AKAP7: variants seen among roughly 807,000 people sequenced by gnomAD.
AKAP7 encodes the protein A-kinase anchoring protein 7, also known as A kinase (PRKA) anchor protein 7.
In AKAP7, 39 loss-of-function variants were observed where a neutral mutation model predicts 39.5. That is an observed-to-expected ratio of 0.99 (90% CI 0.76 to 1.29). AKAP7 has a LOEUF of 1.29. Among genes scored for constraint, AKAP7 ranks in the 50% most tolerant of loss-of-function variants. The pLI is 0.00. For missense variants in AKAP7, 414 were observed against 407.7 expected, an observed-to-expected ratio of 1.02 and a Z score of -0.13; for synonymous variants, 140 against 139.1, an observed-to-expected ratio of 1.01 and a Z score of -0.05.
At chr6:131,259,303 G>A (rs1319135033) in intron 7 of AKAP7, among the ~76,000 whole-genome samples, 1 of 152,096 alleles carries the variant, frequency 6.6e-6, no homozygotes, top group African/African-American at 2.4e-5. Flanking sequence ...GGCTATTGTA[G>A]TCAGACTTTG....
chr6:131,260,048 T>C (rs558602987), intron 7 of AKAP7, among the ~76,000 whole-genome samples: 1 of 152,032 alleles, frequency 6.6e-6, no homozygotes, highest in Non-Finnish European at 1.5e-5. Flanking sequence ...GAACATGTGG[T>C]GTTTGTTTTT....
At chr6:131,180,569 A>C (rs1281510867) in intron 5 of AKAP7, among the ~76,000 whole-genome samples, 2 of 152,124 alleles carry the variant, frequency 1.3e-5, no homozygotes, top group African/African-American at 4.8e-5. Context: ...TAAAATTTAA[A>C]AATCTTCATT....
intron 2 of AKAP7, among the ~76,000 whole-genome samples, chr6:131,148,546 G>A (rs1801659978): frequency 6.6e-6 from 1 of 151,822 alleles, no homozygotes; most frequent in Non-Finnish European, 1.5e-5. Flanking sequence ...AGCTAAAAAT[G>A]TAAAATAACG....
chr6:131,162,435 C>A (rs1352119783), intron 3 of AKAP7, among the ~76,000 whole-genome samples: 1 of 152,124 alleles, frequency 6.6e-6, no homozygotes, highest in African/African-American at 2.4e-5. Flanking sequence ...TCACAGACTC[C>A]GCTGCATGTG....
At position 131,147,848 on chromosome 6, in the gene AKAP7, C is replaced by T. The variant is rs1162616841; in HGVS notation, c.151+2432C>T. 3.3e-5 allele frequency among the ~76,000 whole-genome samples: 5 copies of T among 152,314 alleles called. No homozygotes were observed. In the East Asian group the frequency reaches 7.7e-4, roughly 23 times the overall value. ...GTCTGTTCATTCTTCCAGCTGCAGG[C>T]ACTTCTGATTTATACATAGCTTACA... is the stretch of plus-strand genomic sequence containing the variant. On this transcript the variant is annotated intron_variant, in intron 2 of 7. Transcript: ENST00000431975.
chr6:131,172,653 A>T (rs145925475), intron 5 of AKAP7, among the ~76,000 whole-genome samples: 85 of 152,238 alleles, frequency 5.6e-4, no homozygotes, highest in African/African-American at 1.9e-3. Flanking sequence ...TATTTGTTGC[A>T]AGAGCGTCTA....
At chr6:131,192,740 T>G (rs1020716826) in intron 5 of AKAP7, among the ~76,000 whole-genome samples, 1 of 152,160 alleles carries the variant, frequency 6.6e-6, no homozygotes, top group African/African-American at 2.4e-5. Context: ...ACATTTTTTT[T>G]GGTGCTGTCT....
At chr6:131,203,701 T>C (rs1252890599) in intron 6 of AKAP7, among the ~76,000 whole-genome samples, 3 of 152,218 alleles carry the variant, frequency 2.0e-5, no homozygotes, top group Non-Finnish European at 4.4e-5. Context: ...TTTTCCTATG[T>C]GCTGCAAATA....
At chr6:131,163,281 A>G (rs1375961272) in intron 3 of AKAP7, among the ~76,000 whole-genome samples, 2 of 152,208 alleles carry the variant, frequency 1.3e-5, no homozygotes, top group Non-Finnish European at 2.9e-5. Context: ...TATGGGGAAG[A>G]GATGTAGTCA....
In AKAP7 at chr6:131,169,239, A is replaced by C. The variant is rs966712832; in HGVS notation, c.555A>C (p.Glu185Asp). Residue 185 changes from glutamate to aspartate, a missense_variant, in exon 5 of 8, where the codon GAA (glutamate) becomes GAC (aspartate). By Grantham distance (45) the Glu-to-Asp change is conservative. Transcript: ENST00000431975. ...GNQVGFVKLAEGDHVNSLLEI... is the reference protein window; with the variant it reads ...GNQVGFVKLADGDHVNSLLEI... ...AGGTTGGATTTGTGAAGCTGGCAGA[A>C]GGAGATCATGTAAACTCACTTTTGG... 3 of 1,614,004 alleles carry C rather than the reference A, an allele frequency of 1.9e-6. No homozygotes were observed. The African/African-American group carries it at 4.0e-5, about 22-fold the overall frequency.
intron 7 of AKAP7, among the ~76,000 whole-genome samples, chr6:131,223,204 G>C (rs1177661073): frequency 6.6e-6 from 1 of 152,090 alleles, no homozygotes; most frequent in Non-Finnish European, 1.5e-5. Flanking sequence ...TTGCTTTATT[G>C]CAATAGTCTG....
At chr6:131,216,119 C>T (rs1225123285) in intron 6 of AKAP7, among the ~76,000 whole-genome samples, 2 of 152,148 alleles carry the variant, frequency 1.3e-5, no homozygotes, top group Non-Finnish European at 2.9e-5. Context: ...AATGTTTCGA[C>T]CTTCTTAATA....
chr6:131,135,374 C>T (rs1466728064), upstream of AKAP7, among the ~76,000 whole-genome samples: 1 of 152,210 alleles, frequency 6.6e-6, no homozygotes, highest in East Asian at 1.9e-4. Flanking sequence ...CGTGACGCCG[C>T]AGTCGCCGGC....
intron 6 of AKAP7, among the ~76,000 whole-genome samples, chr6:131,210,395 C>T (rs755605145): frequency 1.2e-4 from 18 of 152,240 alleles, no homozygotes; most frequent in Non-Finnish European, 2.5e-4. Context: ...ACAGAACTTA[C>T]TCATATCATC....
chr6:131,264,434 T>A (rs1813612850), intron 7 of AKAP7, among the ~76,000 whole-genome samples: 1 of 152,210 alleles, frequency 6.6e-6, no homozygotes, highest in South Asian at 2.1e-4. Context: ...AGCAAAAGAA[T>A]GTAAATGTTA....
At chr6:131,235,497 A>G (rs1585145559) in intron 7 of AKAP7, among the ~76,000 whole-genome samples, 1 of 152,320 alleles carries the variant, frequency 6.6e-6, no homozygotes, top group African/African-American at 2.4e-5. Flanking sequence ...GACTTCCACA[A>G]TGGTTGAACT....
At chr6:131,167,849 A>T (rs1803654605) in intron 4 of AKAP7, among the ~76,000 whole-genome samples, 1 of 152,198 alleles carries the variant, frequency 6.6e-6, no homozygotes, top group South Asian at 2.1e-4. Context: ...AAAGATCAAG[A>T]AAAATGCTGA....
At position 131,282,581 on chromosome 6, in the gene AKAP7, G is replaced by C. The variant is rs796653561; in HGVS notation, c.*855G>C. ...CAACAGTAATTCAGCAAATGACGTT[G>C]ATTTCAGCACAACTTTGACATAAGC... On this transcript the variant is annotated 3_prime_UTR_variant, in exon 8 of 8. Coordinates refer to ENST00000431975, the MANE Select transcript of AKAP7 (RefSeq NM_016377.4). 1 of 1,535,612 alleles carries C rather than the reference G, an allele frequency of 6.5e-7. No individual in the cohort carries two copies. Among genetic ancestry groups the C allele is most frequent in the South Asian group, 1.2e-5 (1 of 84,006 alleles).
chr6:131,204,834 T>C (rs1042407526), intron 6 of AKAP7, among the ~76,000 whole-genome samples: 3 of 152,134 alleles, frequency 2.0e-5, no homozygotes, highest in Non-Finnish European at 2.9e-5. Context: ...AGTGAGACTG[T>C]CTGGAAAAGA....
Sources: allele counts gnomAD v4.1 joint callset (sites outside exome capture counted in the v4.1 genomes callset), GRCh38; gene constraint gnomAD v4.1.1; transcripts MANE v1.5; gene names NCBI Gene and HGNC (gene_info 2026-07-23, HGNC 2026-07-21).